LRP1B: variants seen among roughly 807,000 people sequenced by gnomAD.
The protein encoded by LRP1B is low-density lipoprotein receptor-related protein 1B.
A neutral mutation model predicts 556.6 loss-of-function variants in LRP1B; 217 were observed. The ratio of observed to expected loss-of-function variants is 0.39; its 90% CI spans 0.35 to 0.44. The LOEUF is 0.44. Ranked by LOEUF, LRP1B falls within the 20% of genes least tolerant of loss-of-function variation. The probability of loss-of-function intolerance (pLI) is 1.00; values close to 1 mark genes in which losing one functional copy is unlikely to be tolerated. For synonymous variants in LRP1B, 2,047 were observed against 1,865.8 expected (o/e 1.10, Z -2.50); for missense variants, 5,053 against 5,620.8 (o/e 0.90, Z 3.23).
intron 2 of LRP1B, among the ~76,000 whole-genome samples, chr2:141,536,659 G>T (rs1190626409): frequency 6.6e-6 from 1 of 152,020 alleles, no homozygotes; most frequent in Non-Finnish European, 1.5e-5. Context: ...CTGACTAGAA[G>T]CTCCTCTAGA....
At chr2:141,310,701 G>A (rs113180713) in intron 3 of LRP1B, among the ~76,000 whole-genome samples, 3,420 of 152,138 alleles carry the variant, frequency 0.022, 69 homozygotes, top group Non-Finnish European at 0.036. Context: ...TTCATGAACA[G>A]AACCAATACA....
At chr2:140,377,103 G>A (rs1485157323) in intron 68 of LRP1B, among the ~76,000 whole-genome samples, 1 of 152,116 alleles carries the variant, frequency 6.6e-6, no homozygotes, top group Non-Finnish European at 1.5e-5. Context: ...TTGAGGTGGA[G>A]TCTCGCTCTG....
chr2:140,480,854 T>C (rs1558911535), intron 59 of LRP1B, among the ~76,000 whole-genome samples: 1 of 152,194 alleles, frequency 6.6e-6, no homozygotes, highest in African/African-American at 2.4e-5. Context: ...AAAAAACTTT[T>C]ATCATCTGTA....
At chr2:141,801,056 GAGAA>G (rs904650854) in intron 2 of LRP1B, among the ~76,000 whole-genome samples, 1 of 152,074 alleles carries the variant, frequency 6.6e-6, no homozygotes, top group Non-Finnish European at 1.5e-5. Context: ...AGCCCTTGTG[GAGAA>G]AGAAACATTT....
At chr2:141,093,721 A>G (rs527650678) in intron 7 of LRP1B, among the ~76,000 whole-genome samples, 1 of 151,888 alleles carries the variant, frequency 6.6e-6, no homozygotes, top group Non-Finnish European at 1.5e-5. Context: ...GAAAAAAAAA[A>G]CAACAATTTT....
chr2:140,256,464 T>C (rs1681691098), intron 86 of LRP1B, among the ~76,000 whole-genome samples: 1 of 91,252 alleles, frequency 1.1e-5, no homozygotes, highest in African/African-American at 4.5e-5. Flanking sequence ...TTTTTTTTTT[T>C]TTTTTTTTTT....
intron 2 of LRP1B, among the ~76,000 whole-genome samples, chr2:141,597,403 C>G (rs866262567): frequency 1.3e-5 from 2 of 151,902 alleles, no homozygotes; most frequent in South Asian, 4.1e-4. Context: ...TTCATAAGAC[C>G]CTTCAGTGGC....
intron 20 of LRP1B, among the ~76,000 whole-genome samples, chr2:140,939,392 G>A (rs1695326712): frequency 1.3e-5 from 2 of 151,158 alleles, no homozygotes; most frequent in South Asian, 2.1e-4. Flanking sequence ...AAGAATAAGA[G>A]CATGTGTGAG....
intron 60 of LRP1B, among the ~76,000 whole-genome samples, chr2:140,469,896 A>T (rs1002827946): frequency 3.3e-5 from 5 of 152,196 alleles, no homozygotes; most frequent in Non-Finnish European, 7.3e-5. Flanking sequence ...CTCTTTGAAC[A>T]TATTCCCTTG....
At chr2:141,852,150 G>T (rs188535352) in intron 1 of LRP1B, among the ~76,000 whole-genome samples, 10 of 151,826 alleles carry the variant, frequency 6.6e-5, no homozygotes, top group African/African-American at 2.2e-4. Context: ...TAACGGTATG[G>T]TCAGTTGCAG....
Position 142,130,691 on chromosome 2 carries a change from T to A in LRP1B, c.39A>T (p.Gly13=), listed in dbSNP as rs1707818720. ...TCAGCACCCTGGCAATCGGCAATAATCCCGAGAGAGTGAGTAAGGCGAGGA... is the reference window on the plus strand; with the variant it reads ...TCAGCACCCTGGCAATCGGCAATAAACCCGAGAGAGTGAGTAAGGCGAGGA... ...EFLLALLTLS[G]LLPIARVLTV... is the part of the protein sequence containing the mutation. Residue 13 remains glycine (G), a synonymous_variant, in exon 1 of 91, where the codon GGA becomes GGT. Transcript: ENST00000389484. 6.2e-7 allele frequency: 1 copy of A among 1,613,550 alleles called. No homozygotes were observed. Among genetic ancestry groups the A allele is most frequent in the Non-Finnish European group, 8.5e-7 (1 of 1,179,786 alleles).
intron 1 of LRP1B, among the ~76,000 whole-genome samples, chr2:141,949,141 C>T (rs920193195): frequency 2.6e-5 from 4 of 152,094 alleles, no homozygotes; most frequent in Non-Finnish European, 5.9e-5. Flanking sequence ...AAAAAACTTT[C>T]CTACATCAAA....
chr2:141,998,269 A>G (rs1702555034), intron 1 of LRP1B, among the ~76,000 whole-genome samples: 1 of 152,134 alleles, frequency 6.6e-6, no homozygotes, highest in African/African-American at 2.4e-5. Context: ...ATACTCCTCT[A>G]ACACACCCAG....
intron 86 of LRP1B, among the ~76,000 whole-genome samples, chr2:140,253,566 C>T (rs546664252): frequency 1.8e-4 from 27 of 151,688 alleles, no homozygotes; most frequent in African/African-American, 6.5e-4. Context: ...TTGTGCAGTC[C>T]ACTTGAGTAG....
intron 3 of LRP1B, among the ~76,000 whole-genome samples, chr2:141,444,647 A>G (rs1681113112): frequency 6.6e-6 from 1 of 152,162 alleles, no homozygotes; most frequent in African/African-American, 2.4e-5. Flanking sequence ...GGTGTGTTGA[A>G]TTTTATCAAA....
chr2:141,228,439 G>A (rs1683333081), intron 6 of LRP1B, among the ~76,000 whole-genome samples: 1 of 150,054 alleles, frequency 6.7e-6, no homozygotes, highest in South Asian at 2.1e-4. Context: ...CCATGTGGAA[G>A]CAGGGAGAGA....
chr2:141,391,570 G>T (rs910324032), intron 3 of LRP1B, among the ~76,000 whole-genome samples: 2 of 151,970 alleles, frequency 1.3e-5, no homozygotes, highest in African/African-American at 4.8e-5. Context: ...ATTGATTTGG[G>T]CCTAGTCTTT....
At chr2:140,888,108 C>G (rs1693694227) in intron 23 of LRP1B, among the ~76,000 whole-genome samples, 1 of 152,044 alleles carries the variant, frequency 6.6e-6, no homozygotes, top group Non-Finnish European at 1.5e-5. Context: ...ACAAATACTA[C>G]CTTTAGCTCA....
At chr2:141,226,569 C>T (rs1331136583) in intron 6 of LRP1B, among the ~76,000 whole-genome samples, 1 of 151,922 alleles carries the variant, frequency 6.6e-6, no homozygotes, top group Admixed American at 6.6e-5. Flanking sequence ...GAGAAAAGCA[C>T]CTAAATATAA....
Sources: allele counts gnomAD v4.1 joint callset (sites outside exome capture counted in the v4.1 genomes callset), GRCh38; gene constraint gnomAD v4.1.1; transcripts MANE v1.5; gene names NCBI Gene and HGNC (gene_info 2026-07-23, HGNC 2026-07-21).